The following PPIL2 variants were observed in gnomAD, a reference collection of about 807,000 sequenced individuals.
PPIL2 encodes RING-type E3 ubiquitin-protein ligase PPIL2.
In PPIL2, 50 loss-of-function variants were observed where a neutral mutation model predicts 75.2. The ratio of observed to expected loss-of-function variants is 0.66; its 90% CI spans 0.53 to 0.84. PPIL2 has a LOEUF of 0.84. PPIL2 is among the 40% of genes least tolerant of loss of function. The pLI is 0.00. For synonymous variants in PPIL2, 245 were observed against 258.8 expected, an observed-to-expected ratio of 0.95 and a Z score of 0.51; for missense variants, 590 against 685.0, an observed-to-expected ratio of 0.86 and a Z score of 1.55.
At chr22:21,677,698 C>A (rs112881047) in intron 6 of PPIL2, among the ~76,000 whole-genome samples, 6 of 74,256 alleles carry the variant, frequency 8.1e-5, no homozygotes, top group Admixed American at 1.4e-4. Context: ...GGAGCGGGAG[C>A]GGGAGAGGGA....
chr22:21,671,380 A>G (rs1601510540), intron 4 of PPIL2, among the ~76,000 whole-genome samples: 1 of 152,220 alleles, frequency 6.6e-6, no homozygotes, highest in African/African-American at 2.4e-5. Context: ...CAGTCCCACT[A>G]TCCAAGATAA....
intron 1 of PPIL2, 145 bp downstream of exon 1, chr22:21,666,276 C>A: frequency 1.0e-6 from 1 of 1,004,482 alleles, no homozygotes; most frequent in Non-Finnish European, 1.4e-6. Flanking sequence ...GCCGCCCTGT[C>A]TCCAGTCAGG....
chr22:21,688,283 C>T (rs1322600228), intron 14 of PPIL2, among the ~76,000 whole-genome samples, 177 bp downstream of exon 14: 2 of 152,188 alleles, frequency 1.3e-5, no homozygotes, highest in Non-Finnish European at 2.9e-5. Context: ...TTCTCATTTC[C>T]AGGTGGCTGT....
chr22:21,696,365 T>G lies in PPIL2; in HGVS notation c.*875T>G. On this transcript the variant is annotated 3_prime_UTR_variant, in exon 20 of 20. Coordinates refer to ENST00000398831, the MANE Select transcript of PPIL2 (RefSeq NM_014337.4). The stretch of plus-strand genomic sequence containing the variant: ...CAGTGTCTCCTGCTGTGAGAACAAG[T>G]GGATGTCCCTCTCCCCGCCCTCCTG... 8.7e-7 allele frequency: 1 copy of G among 1,145,270 alleles called. No individual in the cohort carries two copies. The highest frequency in any genetic ancestry group is 1.1e-6 in the Non-Finnish European group (1 of 923,576). 70.9% of individuals were successfully genotyped at this position (1,145,270 alleles called of 1,614,324 possible). A position where few individuals can be genotyped will look rare whatever the true frequency, so the allele number is the denominator to read the frequency against.
intron 15 of PPIL2, among the ~76,000 whole-genome samples, chr22:21,690,462 T>G (rs1035802824): frequency 6.6e-6 from 1 of 152,144 alleles, no homozygotes; most frequent in Non-Finnish European, 1.5e-5. Flanking sequence ...TGCCACTTCC[T>G]TGGGGCTTTC....
At chr22:21,695,277 G>A (rs980717518) in intron 19 of PPIL2, 117 bp from the exon 20 acceptor site, 2 of 1,340,942 alleles carry the variant, frequency 1.5e-6, no homozygotes, top group Non-Finnish European at 2.0e-6. Flanking sequence ...TCAGGGGGAT[G>A]TGGGAGCAGC....
chr22:21,681,701 T>C (rs889535690), intron 7 of PPIL2, among the ~76,000 whole-genome samples: 2 of 152,116 alleles, frequency 1.3e-5, no homozygotes, highest in Admixed American at 1.3e-4. Flanking sequence ...AAGGCACCCA[T>C]GTTTTGAGGA....
intron 18 of PPIL2, 34 bp downstream of exon 18, chr22:21,694,851 C>T: frequency 6.3e-7 from 1 of 1,590,984 alleles, no homozygotes; most frequent in Non-Finnish European, 8.6e-7. Context: ...CTAGGAGGGT[C>T]TGGGCTAGTG....
intron 6 of PPIL2, among the ~76,000 whole-genome samples, chr22:21,677,200 A>G: frequency 6.6e-6 from 1 of 151,080 alleles, no homozygotes; most frequent in East Asian, 2.0e-4. Flanking sequence ...GACACTCCTC[A>G]CCTCCCAGAT....
intron 15 of PPIL2, among the ~76,000 whole-genome samples, chr22:21,689,087 A>C (rs2067508856): frequency 6.6e-6 from 1 of 152,198 alleles, no homozygotes; most frequent in Middle Eastern, 3.2e-3. Context: ...GAATTACTGG[A>C]GGTCCAGAAG....
intron 1 of PPIL2, among the ~76,000 whole-genome samples, chr22:21,668,534 C>G (rs2066483715): frequency 6.7e-6 from 1 of 150,208 alleles, no homozygotes; most frequent in South Asian, 2.1e-4. Flanking sequence ...GAGGCTGAGG[C>G]AGGAGAATGG....
In PPIL2 at chr22:21,694,764, C is replaced by T. The variant is rs367840586; in HGVS notation, c.1279C>T (p.Arg427Cys). Residue 427 changes from arginine to cysteine, a missense_variant, in exon 18 of 20, where the codon CGC becomes TGC. Physicochemically the swap from Arg to Cys is radical, Grantham distance 180. Transcript: ENST00000398831. ...CCCCCTTTGCTGCTAGGAGGAGATC[C>T]GCATTGATGCCACTACAGTGTTCGT... is the stretch of plus-strand genomic sequence containing the variant. ...PKTDRPKEEI[R>C]IDATTVFVDP... The T allele has an allele frequency of 1.9e-5, 31 of 1,609,576 alleles. No homozygotes were observed. Among genetic ancestry groups the T allele is most frequent in the African/African-American group, 5.3e-5 (4 of 74,856 alleles).
At chr22:21,680,829 C>CAAAA (rs762340467) in intron 6 of PPIL2, among the ~76,000 whole-genome samples, 159 of 50,744 alleles carry the variant, frequency 3.1e-3, no homozygotes, top group Middle Eastern at 0.021. Context: ...GACTCCATCT[C>CAAAA]AAAAAAAAAA....
Position 21,670,573 on chromosome 22 carries a change from A to T in PPIL2, c.90A>T (p.Pro30=), listed in dbSNP as rs2066593414. ...HFYGGKKPDL[P]QTNFRRLPFD... is the part of the protein sequence containing the mutation. ...TATTTCATTTTTAAACAGATCTCCC[A>T]CAAACAAATTTTCGTCGTTTACCTT... Residue 30 remains proline, a synonymous_variant, in exon 3 of 20, where the codon CCA becomes CCT. Transcript: ENST00000398831. 1 of 1,610,784 alleles carries T rather than the reference A, an allele frequency of 6.2e-7. No individual in the cohort carries two copies. Among genetic ancestry groups the T allele is most frequent in the African/African-American group, 1.3e-5 (1 of 74,992 alleles).
At chr22:21,670,788 G>C (rs2066601819) in intron 3 of PPIL2, 177 bp downstream of exon 3, 1 of 857,732 alleles carries the variant, frequency 1.2e-6, no homozygotes, top group Non-Finnish European at 1.9e-6. Context: ...AGCTTGCCTT[G>C]GTGTTGGATC....
intron 16 of PPIL2, 114 bp downstream of exon 16, chr22:21,693,986 C>A: frequency 8.7e-7 from 1 of 1,144,464 alleles, no homozygotes; most frequent in Non-Finnish European, 1.3e-6. Context: ...GCCATGCTGG[C>A]CATCACTGCT....
rs758188161 is a variant in PPIL2 at position 21,688,696 on chromosome 22, C to G, written c.1022-36C>G. Reference sequence around the variant, plus strand: ...TTCTAGTTCTGCCTCGGCTGGGGCCCAGGCTTTCCTGCTCCCATGGGCCTT... The same window carrying G: ...TTCTAGTTCTGCCTCGGCTGGGGCCGAGGCTTTCCTGCTCCCATGGGCCTT... On this transcript the variant is annotated intron_variant, in intron 14 of 19. Coordinates refer to ENST00000398831, the MANE Select transcript of PPIL2 (RefSeq NM_014337.4). 8 of 1,596,660 alleles carry G rather than the reference C, an allele frequency of 5.0e-6. No individual in the cohort carries two copies. In the South Asian group the frequency reaches 8.8e-5, roughly 18 times the overall value.
intron 15 of PPIL2, among the ~76,000 whole-genome samples, chr22:21,693,597 A>C (rs1455663620): frequency 2.6e-5 from 4 of 152,088 alleles, no homozygotes; most frequent in Admixed American, 2.0e-4. Context: ...CAGCAGGAAG[A>C]CCTGGGGACA....
intron 15 of PPIL2, among the ~76,000 whole-genome samples, chr22:21,691,931 G>T (rs1452682021): frequency 6.7e-6 from 1 of 149,756 alleles, no homozygotes; most frequent in Non-Finnish European, 1.5e-5. Flanking sequence ...CTGCGTGGCT[G>T]GGGGGTGCAT....
Sources: gnomAD v4.1 joint callset for allele counts (sites outside exome capture counted in the v4.1 genomes callset) on GRCh38, gnomAD v4.1.1 for gene constraint, MANE v1.5 for transcripts, NCBI Gene and HGNC (gene_info 2026-07-23, HGNC 2026-07-21) for gene names.